TMEM182: variants seen among roughly 807,000 people sequenced by gnomAD.
The protein encoded by TMEM182 is transmembrane protein 182.
TMEM182 carries 20 observed loss-of-function variants against 26.8 expected under a neutral mutation model. The observed-to-expected ratio is 0.75, with a 90% CI of 0.53 to 1.09. The LOEUF is 1.09. TMEM182 is among the 50% of genes least tolerant of loss of function. The pLI, the probability that TMEM182 is intolerant of heterozygous loss-of-function variation, is 0.00. For missense variants in TMEM182, 277 were observed against 275.5 expected (o/e 1.01, Z -0.04); for synonymous variants, 109 against 102.2 (o/e 1.07, Z -0.40).
At chr2:102,803,181 G>A (rs1484772773) in intron 4 of TMEM182, among the ~76,000 whole-genome samples, 3 of 152,214 alleles carry the variant, frequency 2.0e-5, no homozygotes, top group Non-Finnish European at 4.4e-5. Flanking sequence ...GCATGTGCCT[G>A]CTTGCTCTGC....
chr2:102,841,841 G>A (rs914755680), intron 3 of TMEM182, among the ~76,000 whole-genome samples: 2 of 152,042 alleles, frequency 1.3e-5, no homozygotes, highest in Non-Finnish European at 2.9e-5. Flanking sequence ...CTGAAAATCC[G>A]GATTCAGATT....
At chr2:102,761,354 A>T (rs1454566005), upstream of TMEM182, among the ~76,000 whole-genome samples, 2 of 152,200 alleles carry the variant, frequency 1.3e-5, no homozygotes, top group African/African-American at 4.8e-5. Context: ...TTAATTCAGG[A>T]AATAATACAT....
chr2:102,824,689 G>A (rs1573575376), intron 3 of TMEM182, among the ~76,000 whole-genome samples: 1 of 152,228 alleles, frequency 6.6e-6, no homozygotes, highest in East Asian at 1.9e-4. Context: ...GCCAGGCATG[G>A]TGGTGGTGTG....
intron 3 of TMEM182, among the ~76,000 whole-genome samples, chr2:102,797,414 A>G (rs961111568): frequency 6.6e-6 from 1 of 152,216 alleles, no homozygotes; most frequent in Non-Finnish European, 1.5e-5. Flanking sequence ...CATGGTACAA[A>G]TATATCTTAG....
chr2:102,806,388 AC>A (rs1682348254), intron 4 of TMEM182, among the ~76,000 whole-genome samples: 1 of 152,154 alleles, frequency 6.6e-6, no homozygotes, highest in Admixed American at 6.5e-5. Flanking sequence ...GCCTGGATTC[AC>A]CTTCTGTTCT....
intron 3 of TMEM182, among the ~76,000 whole-genome samples, chr2:102,769,389 A>T (rs541456267): frequency 6.6e-6 from 1 of 152,360 alleles, no homozygotes; most frequent in African/African-American, 2.4e-5. Context: ...ATGATGAAGA[A>T]GTTTCCTTTT....
At chr2:102,803,705 A>G (rs1046633699) in intron 4 of TMEM182, among the ~76,000 whole-genome samples, 2 of 152,220 alleles carry the variant, frequency 1.3e-5, no homozygotes, top group Non-Finnish European at 2.9e-5. Context: ...GAGGCTGAAC[A>G]TGTTGCTCGC....
At chr2:102,838,234 C>G (rs975482396) in intron 3 of TMEM182, among the ~76,000 whole-genome samples, 1 of 152,196 alleles carries the variant, frequency 6.6e-6, no homozygotes, top group South Asian at 2.1e-4. Flanking sequence ...ATGTTGTTAA[C>G]TTAAGGTCTA....
chr2:102,815,832 T>C lies in TMEM182; in HGVS notation c.*864T>C. ...TTGCTATCATTCAGCATGTGAAAAT[T>C]TATTGATAAAATGTGATTTTAATAT... On this transcript the variant is annotated 3_prime_UTR_variant, in exon 5 of 5. Coordinates refer to ENST00000412401, the MANE Select transcript of TMEM182 (RefSeq NM_144632.5). The C allele has an allele frequency of 1.1e-6, 1 of 912,404 alleles. No homozygotes were observed. Among genetic ancestry groups the C allele is most frequent in the African/African-American group, 1.8e-5 (1 of 55,690 alleles). 56.5% of individuals were successfully genotyped at this position (912,404 alleles called of 1,614,324 possible). A position where few individuals can be genotyped will look rare whatever the true frequency, so the allele number is the denominator to read the frequency against.
upstream of TMEM182, among the ~76,000 whole-genome samples, chr2:102,760,753 T>C (rs1480204130): frequency 2.0e-5 from 3 of 152,156 alleles, no homozygotes; most frequent in African/African-American, 7.2e-5. Context: ...TAGCTGGGAT[T>C]ACAGGGGCCC....
At chr2:102,779,917 C>T (rs899336892) in intron 3 of TMEM182, among the ~76,000 whole-genome samples, 14 of 152,076 alleles carry the variant, frequency 9.2e-5, no homozygotes, top group African/African-American at 2.2e-4. Context: ...GCAGGAGAAT[C>T]GCCTGAACCC....
chr2:102,764,464 G>T (rs1220285078), intron 3 of TMEM182, 37 bp downstream of exon 3: 1 of 1,570,472 alleles, frequency 6.4e-7, no homozygotes, highest in South Asian at 1.1e-5. Context: ...TTCTAAAAGG[G>T]TCTTATCTTT....
intron 4 of TMEM182, among the ~76,000 whole-genome samples, chr2:102,805,039 C>T (rs114322938): frequency 1.3e-5 from 2 of 152,326 alleles, no homozygotes; most frequent in African/African-American, 2.4e-5. Flanking sequence ...GATTTTCCAA[C>T]GTCCTTGGTC....
intron 3 of TMEM182, among the ~76,000 whole-genome samples, chr2:102,785,323 AAAGAGCTTT>A (rs1166655703): frequency 1.3e-5 from 2 of 152,130 alleles, no homozygotes; most frequent in African/African-American, 2.4e-5. Flanking sequence ...CACCTCCCCC[AAAGAGCTTT>A]TATGCAATAT....
intron 4 of TMEM182, among the ~76,000 whole-genome samples, chr2:102,802,454 A>T (rs1384458089): frequency 6.6e-6 from 1 of 152,222 alleles, no homozygotes; most frequent in Admixed American, 6.5e-5. Flanking sequence ...GGCAAAGTGT[A>T]GTCATTGTCA....
At chr2:102,817,785 TG>T, downstream of TMEM182, 1 of 880,504 alleles carries the variant, frequency 1.1e-6, no homozygotes, top group Admixed American at 6.2e-5. Context: ...GTGTATTATA[TG>T]TTTGGGTAGA....
intron 1 of TMEM182, among the ~76,000 whole-genome samples, chr2:102,751,656 T>A (rs1010648185): frequency 6.6e-5 from 10 of 152,176 alleles, no homozygotes; most frequent in African/African-American, 2.4e-4. Flanking sequence ...ACATAACTTC[T>A]TCTTAACTCC....
chr2:102,786,018 C>A (rs1573532497), intron 3 of TMEM182, among the ~76,000 whole-genome samples: 1 of 148,246 alleles, frequency 6.7e-6, no homozygotes, highest in South Asian at 2.1e-4. Context: ...TAAAAGATCA[C>A]AGGTCTTTTC....
intron 3 of TMEM182, among the ~76,000 whole-genome samples, chr2:102,774,453 T>C (rs986360230): frequency 2.0e-5 from 3 of 151,034 alleles, no homozygotes; most frequent in African/African-American, 4.9e-5. Context: ...TCAGTAGAGA[T>C]GGGGTTTCAC....
Sources: allele counts gnomAD v4.1 joint callset (sites outside exome capture counted in the v4.1 genomes callset), GRCh38; gene constraint gnomAD v4.1.1; transcripts MANE v1.5; gene names NCBI Gene and HGNC (gene_info 2026-07-23, HGNC 2026-07-21).